PPL: variants seen among roughly 807,000 people sequenced by gnomAD.
PPL encodes 190 kDa paraneoplastic pemphigus antigen.
In PPL, 198 loss-of-function variants were observed where a neutral mutation model predicts 194.4. The ratio of observed to expected loss-of-function variants is 1.02; its 90% CI spans 0.91 to 1.15. PPL has a LOEUF of 1.15. Ranked by LOEUF, PPL falls within the 50% of genes most tolerant of loss-of-function variation. PPL has a pLI of 0.00. For synonymous variants in PPL, 1,220 were observed against 972.4 expected, an observed-to-expected ratio of 1.25 and a Z score of -4.74; for missense variants, 2,885 against 2,294.8, an observed-to-expected ratio of 1.26 and a Z score of -5.25.
intron 1 of PPL, among the ~76,000 whole-genome samples, chr16:4,918,797 T>G (rs2088978570): frequency 6.6e-6 from 1 of 152,150 alleles, no homozygotes; most frequent in Non-Finnish European, 1.5e-5. Context: ...GTGTGCCCCT[T>G]GGAGAGCTAT....
In PPL at chr16:4,893,549, T is replaced by A; in HGVS notation, c.1484A>T (p.Asn495Ile). The change falls in exon 13 of 22, where the codon AAT (asparagine) becomes ATT (isoleucine). Residue 495 changes from asparagine (N) to isoleucine (I), a missense_variant. Transcript: ENST00000345988. ...GTGGCCCTGGCACCCACCTCCGGGA[T>A]TCTCGGTCTTCAGCACCTCATACCG... ...QQRYEVLKTE[N>I]PGDASDLQGR... is the part of the protein sequence containing the mutation. The A allele has an allele frequency of 1.2e-6, 2 of 1,612,604 alleles. No homozygotes were observed.
chr16:4,917,254 GT>G (rs764944159), intron 1 of PPL, among the ~76,000 whole-genome samples: 7 of 152,196 alleles, frequency 4.6e-5, no homozygotes, highest in Non-Finnish European at 8.8e-5. Flanking sequence ...CCACTTTTTA[GT>G]GGAAACAACT....
intron 1 of PPL, among the ~76,000 whole-genome samples, chr16:4,935,861 C>T (rs1476734205): frequency 6.6e-6 from 1 of 152,128 alleles, no homozygotes; most frequent in African/African-American, 2.4e-5. Context: ...TGGGGGCTCC[C>T]AGTGAGAGCA....
At chr16:4,928,074 G>A (rs1009493324) in intron 1 of PPL, among the ~76,000 whole-genome samples, 4 of 152,222 alleles carry the variant, frequency 2.6e-5, no homozygotes, top group African/African-American at 9.6e-5. Context: ...CAGGGCTCAA[G>A]CCAACTTTGG....
In PPL at chr16:4,902,511, C is replaced by T; in HGVS notation, c.333G>A (p.Lys111=). The stretch of plus-strand genomic sequence containing the variant: ...TCCCGCGCAGGTTGGTCACACGCTC[C>T]TTCAGCTGGCGGATACTGATGGGAG... ...DMIAEDIRQL[K]ERVTNLRGKH... is the part of the protein sequence containing the mutation. Residue 111 remains lysine (K), a synonymous_variant, in exon 4 of 22, where the codon AAG becomes AAA. Transcript: ENST00000345988. The surrounding 1 kb of genome is among the most constrained non-coding windows in gnomAD (Gnocchi z 4.0). 6.2e-7 allele frequency: 1 copy of T among 1,613,624 alleles called. No individual in the cohort carries two copies. The highest frequency in any genetic ancestry group is 8.5e-7 in the Non-Finnish European group (1 of 1,179,796).
rs2088492904 is a variant in PPL, at chr16:4,899,082, T to C, written c.807A>G (p.Arg269=). 1 of 1,613,170 alleles carries C rather than the reference T, an allele frequency of 6.2e-7. No homozygotes were observed. Among genetic ancestry groups the C allele is most frequent in the African/African-American group, 1.3e-5 (1 of 74,828 alleles). Residue 269 remains arginine (R), a synonymous_variant, in exon 8 of 22, where the codon AGA becomes AGG. Coordinates refer to ENST00000345988, the MANE Select transcript of PPL (RefSeq NM_002705.5). ...INRNLEAKEE[R]INKLHSEGDQ... ...CGCCCTCGCTGTGCAGTTTGTTGAT[T>C]CTCTCCTCTTTGGCCTCCAGGTTCC...
chr16:4,921,482 A>C (rs941956982), intron 1 of PPL, among the ~76,000 whole-genome samples: 1 of 151,886 alleles, frequency 6.6e-6, no homozygotes, highest in African/African-American at 2.4e-5. Context: ...TTATTGATTG[A>C]TTGAGACTGA....
chr16:4,893,300 C>T lies in PPL; in HGVS notation c.1563G>A (p.Gln521=). The change falls in exon 14 of 22, where the codon CAG becomes CAA. Residue 521 remains glutamine, a synonymous_variant. Coordinates refer to ENST00000345988, the MANE Select transcript of PPL (RefSeq NM_002705.5). ...GCAGGATCCCTGTGATGGCCTTCTC[C>T]TGCCGGTCCAGGTCGCTGGCCACCT... ...LDKVASDLDR[Q]EKAITGILRP... 1 of 1,606,932 alleles carries T rather than the reference C, an allele frequency of 6.2e-7. No individual in the cohort carries two copies. The highest frequency in any genetic ancestry group is 8.5e-7 in the Non-Finnish European group (1 of 1,178,988).
chr16:4,891,833 T>A lies in PPL; in HGVS notation c.1946A>T (p.Asp649Val). 2.5e-6 allele frequency: 4 copies of A among 1,612,858 alleles called. No homozygotes were observed. Among genetic ancestry groups the A allele is most frequent in the Non-Finnish European group, 3.4e-6 (4 of 1,179,716 alleles). The change falls in exon 16 of 22, where the codon GAC becomes GTC. Residue 649 changes from aspartate to valine, a missense_variant. By Grantham distance (152) the Asp-to-Val change is radical. Transcript: ENST00000345988. ...DTVPESSRVL[D>V]SKGQELAAMA... ...CACCGCCAGCTCCTGCCCCTTGCTGTCCAGGACACGGCTGCTCTCAGGCAC... is the reference window on the plus strand; with the variant it reads ...CACCGCCAGCTCCTGCCCCTTGCTGACCAGGACACGGCTGCTCTCAGGCAC...
At position 4,890,927 on chromosome 16, in the gene PPL, G is replaced by A. The variant is rs375408619; in HGVS notation, c.1969-6C>T. On this transcript the variant is annotated splice_polypyrimidine_tract_variant and splice_region_variant and intron_variant, in intron 16 of 21. Coordinates refer to ENST00000345988, the MANE Select transcript of PPL (RefSeq NM_002705.5). ...TGTAACTCACAGGCCATGGCCTGGC[G>A]GGGCAGAGGAGGAGACGGCGGTGCT... 2,918 of 1,509,824 alleles carry A rather than the reference G, an allele frequency of 1.9e-3. 7 individuals carry two copies. Among genetic ancestry groups the A allele is most frequent in the South Asian group, 2.3e-3 (184 of 81,130 alleles). The allele number at this position is 1,509,824 out of a possible 1,614,324, so 93.5% of individuals were successfully genotyped here. A position where few individuals can be genotyped will look rare whatever the true frequency, so the allele number is the denominator to read the frequency against.
intron 19 of PPL, 118 bp from the exon 20 acceptor site, chr16:4,888,336 A>C (rs2088252451): frequency 2.8e-6 from 2 of 702,092 alleles, no homozygotes; most frequent in African/African-American, 1.8e-5. Flanking sequence ...TGGTTTTATA[A>C]TCTGCGTGGG....
chr16:4,924,386 G>A (rs544040533), intron 1 of PPL, among the ~76,000 whole-genome samples: 1 of 152,146 alleles, frequency 6.6e-6, no homozygotes, highest in Non-Finnish European at 1.5e-5. Flanking sequence ...ATAGGACTGC[G>A]AGATTCTAGG....
intron 2 of PPL, among the ~76,000 whole-genome samples, chr16:4,907,958 AGCCT>A (rs1362004281): frequency 6.6e-6 from 1 of 151,954 alleles, no homozygotes; most frequent in African/African-American, 2.4e-5. Context: ...GTTTGAGACC[AGCCT>A]GGCCAATGTG....
intron 1 of PPL, 90 bp from the exon 2 acceptor site, chr16:4,911,039 G>A: frequency 9.4e-7 from 1 of 1,067,058 alleles, no homozygotes; most frequent in South Asian, 1.4e-5. Flanking sequence ...GCTGGCCCCG[G>A]CCCCACGCTC....
intron 12 of PPL, chr16:4,893,902 G>A: frequency 3.7e-6 from 2 of 540,494 alleles, no homozygotes; most frequent in South Asian, 5.0e-5. Context: ...TTACTTCTGA[G>A]GGAGCATACA....
chr16:4,922,777 G>A (rs1321512647), intron 1 of PPL, among the ~76,000 whole-genome samples: 1 of 66,624 alleles, frequency 1.5e-5, no homozygotes, highest in Non-Finnish European at 5.6e-5. Context: ...CGTCCACACT[G>A]TTCACGCTGA....
At chr16:4,910,726 C>T (rs546713410) in intron 2 of PPL, 124 bp downstream of exon 2, 1 of 860,494 alleles carries the variant, frequency 1.2e-6, no homozygotes, top group African/African-American at 1.7e-5. Context: ...CAAAATGTCT[C>T]TGCATGTTCC....
At chr16:4,934,003 G>A (rs2089259871) in intron 1 of PPL, among the ~76,000 whole-genome samples, 1 of 152,054 alleles carries the variant, frequency 6.6e-6, no homozygotes, top group African/African-American at 2.4e-5. Context: ...GGCAGGCACC[G>A]TGCTTATTCC....
intron 2 of PPL, 147 bp downstream of exon 2, chr16:4,910,703 A>G: frequency 1.4e-6 from 1 of 707,968 alleles, no homozygotes; most frequent in Non-Finnish European, 2.5e-6. Flanking sequence ...CCTTCCTTCC[A>G]AGCAGTGACA....
Sources: gnomAD v4.1 joint callset for allele counts (sites outside exome capture counted in the v4.1 genomes callset) on GRCh38, gnomAD v4.1.1 for gene constraint, Gnocchi (gnomAD v3.1) non-coding constraint, MANE v1.5 for transcripts, NCBI Gene and HGNC (gene_info 2026-07-23, HGNC 2026-07-21) for gene names.